LINGO2: variants seen among roughly 807,000 people sequenced by gnomAD.
LINGO2 encodes the protein leucine-rich repeat and immunoglobulin-like domain-containing nogo receptor-interacting protein 2.
Under a neutral mutation model 30.6 loss-of-function variants are expected in LINGO2, and 14 were observed. That is an observed-to-expected ratio of 0.46 (90% confidence interval 0.30 to 0.72). The LOEUF is 0.72. LINGO2 is among the 30% of genes least tolerant of loss of function. LINGO2 has a pLI of 0.07. For missense variants in LINGO2, 729 were observed against 751.7 expected (o/e 0.97, Z 0.35); for synonymous variants, 317 against 288.5 (o/e 1.10, Z -1.00).
chr9:28,750,774 A>G, the LINGO2 span, among the ~76,000 whole-genome samples: 7 of 152,044 alleles, frequency 4.6e-5, no homozygotes, highest in African/African-American at 1.7e-4. Flanking sequence ...ATCATGTACA[A>G]CAAGTTTAGT....
chr9:28,000,788 CATAATTATTCTTCACTCTAGCCTGAT>C (rs1179148830), intron 5 of LINGO2, among the ~76,000 whole-genome samples: 1 of 152,170 alleles, frequency 6.6e-6, no homozygotes, highest in Non-Finnish European at 1.5e-5. Context: ...CATATATTCT[CATAATTATTCTTCACTCTAGCCTGAT>C]AGAAACTTTA....
intron 4 of LINGO2, among the ~76,000 whole-genome samples, chr9:28,117,773 G>C (rs1011438242): frequency 6.7e-6 from 1 of 149,038 alleles, no homozygotes; most frequent in African/African-American, 2.5e-5. Flanking sequence ...TTCGGCTCGC[G>C]GACGGTGCGC....
At chr9:28,875,497 T>G in the LINGO2 span, among the ~76,000 whole-genome samples, 2 of 152,076 alleles carry the variant, frequency 1.3e-5, no homozygotes, top group South Asian at 4.1e-4. Flanking sequence ...CTTTACCAAT[T>G]GTCTCAAGAG....
At chr9:28,450,373 C>T (rs1234181491) in intron 2 of LINGO2, among the ~76,000 whole-genome samples, 1 of 151,966 alleles carries the variant, frequency 6.6e-6, no homozygotes, top group East Asian at 1.9e-4. Flanking sequence ...TTCTATTTAA[C>T]AAATCATCAC....
At chr9:28,123,239 C>T (rs1052060200) in intron 4 of LINGO2, among the ~76,000 whole-genome samples, 2 of 152,096 alleles carry the variant, frequency 1.3e-5, no homozygotes, top group African/African-American at 2.4e-5. Flanking sequence ...TAATTATCTC[C>T]TAAAATCATA....
chr9:28,320,910 A>T (rs1281459011), intron 3 of LINGO2, among the ~76,000 whole-genome samples: 3 of 152,178 alleles, frequency 2.0e-5, no homozygotes, highest in Non-Finnish European at 4.4e-5. Flanking sequence ...CAAATGGCAG[A>T]TTCTTATAGC....
chr9:28,365,148 TC>T (rs1820611087), intron 3 of LINGO2, among the ~76,000 whole-genome samples: 1 of 152,120 alleles, frequency 6.6e-6, no homozygotes, highest in African/African-American at 2.4e-5. Context: ...GGAGAGATAT[TC>T]CAGTTAGTCT....
At chr9:28,766,647 A>G in the LINGO2 span, among the ~76,000 whole-genome samples, 1 of 152,024 alleles carries the variant, frequency 6.6e-6, no homozygotes, top group Non-Finnish European at 1.5e-5. Flanking sequence ...AGCATTATTC[A>G]CAATACCTAA....
the LINGO2 span, among the ~76,000 whole-genome samples, chr9:28,722,230 C>A: frequency 6.6e-6 from 1 of 151,970 alleles, no homozygotes; most frequent in Admixed American, 6.6e-5. Context: ...TATAGTCAAA[C>A]AAAGTGTACA....
intron 3 of LINGO2, among the ~76,000 whole-genome samples, chr9:28,351,588 C>T (rs1351351031): frequency 5.0e-5 from 7 of 139,182 alleles, no homozygotes; most frequent in African/African-American, 1.9e-4. Flanking sequence ...GGAACTGGTA[C>T]CATTCCTTCT....
At chr9:28,815,395 C>T in the LINGO2 span, among the ~76,000 whole-genome samples, 1 of 152,058 alleles carries the variant, frequency 6.6e-6, no homozygotes, top group African/African-American at 2.4e-5. Context: ...AAAAGAAAGG[C>T]AAAGGAGATG....
At chr9:28,039,713 A>G (rs889151485) in intron 4 of LINGO2, among the ~76,000 whole-genome samples, 6 of 152,150 alleles carry the variant, frequency 3.9e-5, no homozygotes, top group African/African-American at 1.2e-4. Flanking sequence ...CAATCATGGC[A>G]AGTCTCCTGA....
At chr9:28,901,250 T>C in the LINGO2 span, among the ~76,000 whole-genome samples, 3 of 152,262 alleles carry the variant, frequency 2.0e-5, no homozygotes, top group South Asian at 6.2e-4. Flanking sequence ...ATATAAAGAC[T>C]TTCCCAGACA....
the LINGO2 span, among the ~76,000 whole-genome samples, chr9:28,703,742 T>C: frequency 2.5e-3 from 380 of 152,064 alleles, 2 homozygotes; most frequent in Non-Finnish European, 4.3e-3. Context: ...TTTAACTCTT[T>C]CAGTTGTTGT....
intron 3 of LINGO2, among the ~76,000 whole-genome samples, chr9:28,336,945 T>C (rs1323086594): frequency 6.6e-6 from 1 of 151,888 alleles, no homozygotes; most frequent in African/African-American, 2.4e-5. Context: ...TTTCTCTCAG[T>C]AATTCTTTAC....
At chr9:28,921,420 A>T in the LINGO2 span, among the ~76,000 whole-genome samples, 1 of 152,110 alleles carries the variant, frequency 6.6e-6, no homozygotes, top group Admixed American at 6.6e-5. Context: ...AACCACAATG[A>T]CCGACTGAGA....
At chr9:28,073,076 G>T (rs1825526341) in intron 4 of LINGO2, among the ~76,000 whole-genome samples, 1 of 151,766 alleles carries the variant, frequency 6.6e-6, no homozygotes, top group Non-Finnish European at 1.5e-5. Context: ...AGGCTTAGCT[G>T]ACCTGGACCT....
At chr9:28,767,785 CAAAAAA>C in the LINGO2 span, among the ~76,000 whole-genome samples, 16 of 97,104 alleles carry the variant, frequency 1.6e-4, no homozygotes, top group East Asian at 3.4e-4. Flanking sequence ...GACTCCATTT[CAAAAAA>C]AAAAAAAAAA....
At chr9:27,993,926 TA>T (rs921787085) in intron 5 of LINGO2, among the ~76,000 whole-genome samples, 369 of 147,360 alleles carry the variant, frequency 2.5e-3, no homozygotes, top group South Asian at 8.0e-3. Context: ...TTCAACAAAT[TA>T]AAAAAAAAAA....
Sources: allele counts gnomAD v4.1 joint callset (sites outside exome capture counted in the v4.1 genomes callset), GRCh38; gene constraint gnomAD v4.1.1; transcripts MANE v1.5; gene names NCBI Gene and HGNC (gene_info 2026-07-23, HGNC 2026-07-21).